Variants in WNT7B observed in about 807,000 individuals in gnomAD.
WNT7B encodes Wnt family member 7B.
In WNT7B, 19 loss-of-function variants were observed where a neutral mutation model predicts 38.2. That is an observed-to-expected ratio of 0.50 (90% confidence interval 0.35 to 0.73). WNT7B has a LOEUF of 0.73. WNT7B is among the 30% of genes least tolerant of loss of function. WNT7B has a pLI of 0.01. For synonymous variants in WNT7B, 243 were observed against 209.3 expected (o/e 1.16, Z -1.39); for missense variants, 423 against 507.9 (o/e 0.83, Z 1.61).
At chr22:45,970,323 A>T (rs541897124) in intron 1 of WNT7B, among the ~76,000 whole-genome samples, 1 of 152,264 alleles carries the variant, frequency 6.6e-6, no homozygotes, top group East Asian at 1.9e-4. Context: ...TTCTGCCAAC[A>T]CAGCTGGGCA....
intron 1 of WNT7B, among the ~76,000 whole-genome samples, chr22:45,957,141 C>T (rs1007294156): frequency 6.6e-6 from 1 of 151,036 alleles, no homozygotes; most frequent in African/African-American, 2.4e-5. Context: ...AGGACAAGCC[C>T]ACCTCATCTT....
At chr22:45,937,373 G>C (rs947383935) in intron 2 of WNT7B, among the ~76,000 whole-genome samples, 1 of 152,236 alleles carries the variant, frequency 6.6e-6, no homozygotes, top group South Asian at 2.1e-4. Context: ...AGTGACCTCA[G>C]ACTGGTGAAG....
Position 45,934,302 on chromosome 22 carries a change from G to A in WNT7B, c.299-2933C>T, listed in dbSNP as rs575460432. On this transcript the variant is annotated intron_variant, in intron 2 of 3. Transcript: ENST00000339464. ...TAAGGTGACCTGGGGCAGGAGGAGAGGGGGGATGTGGGCTATGCAGCCCCC... is the reference window on the plus strand; with the variant it reads ...TAAGGTGACCTGGGGCAGGAGGAGAAGGGGGATGTGGGCTATGCAGCCCCC... Among the ~76,000 whole-genome samples, 67 of 152,310 alleles carry A rather than the reference G, an allele frequency of 4.4e-4. 1 individual carries two copies. Among genetic ancestry groups the A allele is most frequent in the South Asian group, 1.5e-3 (7 of 4,820 alleles).
intron 2 of WNT7B, among the ~76,000 whole-genome samples, chr22:45,946,026 C>T (rs891760566): frequency 3.3e-5 from 5 of 151,768 alleles, no homozygotes; most frequent in Non-Finnish European, 7.4e-5. Flanking sequence ...CAGTCGCTGC[C>T]CCAGGCCCAG....
Position 45,951,823 on chromosome 22 carries a change from T to C in WNT7B, c.72-1677A>G, listed in dbSNP as rs530715037. ...GGCTGCTTCCACCTTTGGACTACTG[T>C]GAGTGATGCCGCCATGAACGTGCGG... On this transcript the variant is annotated intron_variant, in intron 1 of 3. Transcript: ENST00000339464. This position sits in a 1 kb window ranked among gnomAD's most constrained non-coding sequence, Gnocchi z 4.8. 2.6e-5 allele frequency among the ~76,000 whole-genome samples: 4 copies of C among 152,298 alleles called. No individual in the cohort carries two copies. The highest frequency in any genetic ancestry group is 6.8e-3 in the Middle Eastern group (2 of 294).
At position 45,965,167 on chromosome 22, in the gene WNT7B, G is replaced by A. The variant is rs1375188672; in HGVS notation, c.71+11517C>T. 6.6e-6 allele frequency among the ~76,000 whole-genome samples: 1 copy of A among 151,554 alleles called. No homozygotes were observed. Among genetic ancestry groups the A allele is most frequent in the Non-Finnish European group, 1.5e-5 (1 of 67,956 alleles). On this transcript the variant is annotated intron_variant, in intron 1 of 3. Coordinates refer to ENST00000339464, the MANE Select transcript of WNT7B (RefSeq NM_058238.3). This position sits in a 1 kb window ranked among gnomAD's most constrained non-coding sequence, Gnocchi z 6.5. ...ATCCTCTTCACACCTCCAGGTCTTT[G>A]CCCACGTCTGTCCCTTTCCCAGGAA...
intron 3 of WNT7B, chr22:45,925,210 GGGTGGGCGCAAAGTCTCATCA>G (rs1931046557): frequency 2.0e-6 from 2 of 983,554 alleles, no homozygotes; most frequent in African/African-American, 3.5e-5. Context: ...GGTGGGTGCC[GGGTGGGCGCAAAGTCTCATCA>G]GGTGGGTGCT....
Position 45,966,332 on chromosome 22 carries a change from T to C in WNT7B, c.71+10352A>G, listed in dbSNP as rs1335972683. On this transcript the variant is annotated intron_variant, in intron 1 of 3. Transcript: ENST00000339464. This position sits in a 1 kb window ranked among gnomAD's most constrained non-coding sequence, Gnocchi z 4.2. ...GGCCTAAGTCTCAGCTCTGGATGCC[T>C]CCTCACCCTGGCCACGCCAATACCC... Among the ~76,000 whole-genome samples the C allele has an allele frequency of 6.6e-6, 1 of 152,130 alleles. No individual in the cohort carries two copies. Among genetic ancestry groups the C allele is most frequent in the African/African-American group, 2.4e-5 (1 of 41,426 alleles).
chr22:45,931,264 C>G lies in WNT7B; in HGVS notation c.404G>C (p.Arg135Pro). 6.3e-7 allele frequency: 1 copy of G among 1,598,774 alleles called. No individual in the cohort carries two copies. The change falls in exon 3 of 4, where the codon CGC becomes CCC. Residue 135 changes from arginine to proline, a missense_variant. This residue lies in a region of WNT7B where 132 missense variants were observed against 113.4 expected (regional missense o/e 1.16). Coordinates refer to ENST00000339464, the MANE Select transcript of WNT7B (RefSeq NM_058238.3). ...QGNLSNCGCD[R>P]EKQGYYNQAE... ...TTGGTTGTAGTAGCCCTGCTTCTCG[C>G]GGTCGCAGCCGCAGTTGCTCAGGTT...
At chr22:45,934,236 C>G (rs1226209163) in intron 2 of WNT7B, among the ~76,000 whole-genome samples, 11 of 152,098 alleles carry the variant, frequency 7.2e-5, no homozygotes, top group Admixed American at 7.2e-4. Context: ...GGTCGGGGGC[C>G]CTGGAAGGTC....
chr22:45,930,390 TCGGAGC>T (rs947545241), intron 3 of WNT7B, among the ~76,000 whole-genome samples: 3 of 152,172 alleles, frequency 2.0e-5, no homozygotes, highest in African/African-American at 4.8e-5. Flanking sequence ...CCCCCAGGCC[TCGGAGC>T]CGGAGCCGGC....
chr22:45,969,801 C>T (rs1932392935), intron 1 of WNT7B, among the ~76,000 whole-genome samples: 1 of 152,202 alleles, frequency 6.6e-6, no homozygotes, highest in Non-Finnish European at 1.5e-5. Flanking sequence ...CTGGAAAGCT[C>T]CTGAAAGTTC....
chr22:45,955,279 G>A, intron 1 of WNT7B, among the ~76,000 whole-genome samples: 1 of 152,258 alleles, frequency 6.6e-6, no homozygotes, highest in East Asian at 1.9e-4. Flanking sequence ...GAGGCGAGGG[G>A]GCTGGGGAGA....
intron 3 of WNT7B, among the ~76,000 whole-genome samples, chr22:45,930,609 C>A (rs1486649883): frequency 1.3e-5 from 2 of 152,236 alleles, no homozygotes; most frequent in African/African-American, 4.8e-5. Context: ...GCGGCCTGCT[C>A]CCCAGCAGCC....
At position 45,951,523 on chromosome 22, in the gene WNT7B, A is replaced by G. The variant is rs907289584; in HGVS notation, c.72-1377T>C. 1.3e-5 allele frequency among the ~76,000 whole-genome samples: 2 copies of G among 152,050 alleles called. No homozygotes were observed. The highest frequency in any genetic ancestry group is 4.8e-5 in the African/African-American group (2 of 41,390). Reference sequence around the variant, plus strand: ...GATATTTCTGCCACCCCAGAAGGAAACTGTACCCATCAGTCACTCCCCGTT... The same window carrying G: ...GATATTTCTGCCACCCCAGAAGGAAGCTGTACCCATCAGTCACTCCCCGTT... On this transcript the variant is annotated intron_variant, in intron 1 of 3. Coordinates refer to ENST00000339464, the MANE Select transcript of WNT7B (RefSeq NM_058238.3). This position sits in a 1 kb window ranked among gnomAD's most constrained non-coding sequence, Gnocchi z 4.8.
Position 45,922,636 on chromosome 22 carries a change from G to C in WNT7B, c.*220C>G, listed in dbSNP as rs1233741675. On this transcript the variant is annotated 3_prime_UTR_variant, in exon 4 of 4. Coordinates refer to ENST00000339464, the MANE Select transcript of WNT7B (RefSeq NM_058238.3). The stretch of plus-strand genomic sequence containing the variant: ...GCTCTCTGGGTGGGTCACGGGTGCT[G>C]TTCTGCCGCAGGAGGTGATGGGAGG... 8.2e-6 allele frequency: 6 copies of C among 731,682 alleles called. No homozygotes were observed. Among genetic ancestry groups the C allele is most frequent in the Non-Finnish European group, 1.3e-5 (6 of 463,488 alleles). The allele number at this position is 731,682 out of a possible 1,614,324, so 45.3% of individuals were successfully genotyped here.
chr22:45,950,211 A>T, intron 1 of WNT7B, 65 bp from the exon 2 acceptor site: 1 of 1,385,586 alleles, frequency 7.2e-7, no homozygotes, highest in East Asian at 2.4e-5. Context: ...CACCCCCAAC[A>T]CCTTTCCCCC....
chr22:45,929,916 C>T (rs79391577), intron 3 of WNT7B, among the ~76,000 whole-genome samples: 13,332 of 149,770 alleles, frequency 0.089, 657 homozygotes, highest in South Asian at 0.12. Context: ...ACCCATCCAT[C>T]TATCCTCCCA....
intron 3 of WNT7B, among the ~76,000 whole-genome samples, chr22:45,930,668 G>T (rs1931315759): frequency 1.3e-5 from 2 of 152,194 alleles, no homozygotes; most frequent in African/African-American, 4.8e-5. Flanking sequence ...CCTCCTGGGG[G>T]CATCCCTTCC....
Sources: allele counts gnomAD v4.1 joint callset (sites outside exome capture counted in the v4.1 genomes callset), GRCh38; gene constraint gnomAD v4.1.1; regional missense constraint gnomAD v4.1.1; non-coding constraint Gnocchi (gnomAD v3.1); transcripts MANE v1.5; gene names NCBI Gene and HGNC (gene_info 2026-07-23, HGNC 2026-07-21).